DIAPH3: variants seen among roughly 807,000 people sequenced by gnomAD.
The protein encoded by DIAPH3 is diaphanous related formin 3.
Under a neutral mutation model 144.3 loss-of-function variants are expected in DIAPH3, and 117 were observed. That is an observed-to-expected ratio of 0.81 (90% CI 0.70 to 0.95). The LOEUF (loss-of-function observed/expected upper bound fraction) is 0.95, where lower values mean the gene tolerates loss of function less well. Ranked by LOEUF, DIAPH3 falls within the 40% of genes least tolerant of loss-of-function variation. The pLI is 0.00. For synonymous variants in DIAPH3, 519 were observed against 488.9 expected (o/e 1.06, Z -0.81); for missense variants, 1,421 against 1,412.7 (o/e 1.01, Z -0.09).
intron 4 of DIAPH3, among the ~76,000 whole-genome samples, chr13:60,075,107 T>C (rs1240252001): frequency 1.3e-5 from 2 of 152,302 alleles, no homozygotes; most frequent in South Asian, 2.1e-4. Flanking sequence ...TCACCAAACA[T>C]TTACTGTCAA....
At chr13:59,837,440 T>G (rs1053207226) in intron 23 of DIAPH3, among the ~76,000 whole-genome samples, 1 of 151,962 alleles carries the variant, frequency 6.6e-6, no homozygotes, top group Non-Finnish European at 1.5e-5. Context: ...TCTACAACCT[T>G]TACTCCAAGC....
chr13:59,759,321 C>T (rs2037452871), intron 27 of DIAPH3, among the ~76,000 whole-genome samples: 2 of 152,100 alleles, frequency 1.3e-5, no homozygotes, highest in South Asian at 4.1e-4. Flanking sequence ...GAAACTACCA[C>T]AAGGAGAGTG....
At position 59,839,313 on chromosome 13, in the gene DIAPH3, C is replaced by G. The variant is rs2042211074; in HGVS notation, c.2862+11G>C. ...CTAGTGACTTAAGTTATTTAGCTAT[C>G]AAAAGGATATGGACATCTTTGTCAC... is the stretch of plus-strand genomic sequence containing the variant. On this transcript the variant is annotated intron_variant, in intron 23 of 27. Coordinates refer to ENST00000400324, the MANE Select transcript of DIAPH3 (RefSeq NM_001042517.2). 8 of 1,612,618 alleles carry G rather than the reference C, an allele frequency of 5.0e-6. No individual in the cohort carries two copies. The highest frequency in any genetic ancestry group is 6.8e-6 in the Non-Finnish European group (8 of 1,179,236).
intron 5 of DIAPH3, among the ~76,000 whole-genome samples, chr13:60,019,050 T>G (rs981167956): frequency 3.3e-5 from 5 of 152,140 alleles, no homozygotes; most frequent in Non-Finnish European, 7.4e-5. Flanking sequence ...AATATTATTT[T>G]TAAAGATAGG....
intron 17 of DIAPH3, among the ~76,000 whole-genome samples, chr13:59,942,846 T>A (rs1197647700): frequency 2.0e-5 from 3 of 152,216 alleles, no homozygotes; most frequent in Non-Finnish European, 4.4e-5. Flanking sequence ...TAATTTTCCA[T>A]GTTCATATGT....
intron 18 of DIAPH3, among the ~76,000 whole-genome samples, chr13:59,920,022 C>A (rs1211411164): frequency 2.0e-5 from 3 of 151,528 alleles, no homozygotes; most frequent in African/African-American, 7.3e-5. Flanking sequence ...AGCCTCATAA[C>A]CACAAAGCAA....
At chr13:59,762,805 T>C (rs2037669730) in intron 27 of DIAPH3, among the ~76,000 whole-genome samples, 1 of 152,198 alleles carries the variant, frequency 6.6e-6, no homozygotes, top group Non-Finnish European at 1.5e-5. Flanking sequence ...CATAATAGTA[T>C]TGTGACATGA....
chr13:59,765,148 T>G (rs913313151), intron 27 of DIAPH3, among the ~76,000 whole-genome samples: 1 of 152,226 alleles, frequency 6.6e-6, no homozygotes, highest in Non-Finnish European at 1.5e-5. Context: ...AGTCTTAATT[T>G]TCAACTTTTT....
intron 27 of DIAPH3, among the ~76,000 whole-genome samples, chr13:59,705,011 T>C (rs1566199369): frequency 6.6e-6 from 1 of 151,988 alleles, no homozygotes; most frequent in Admixed American, 6.6e-5. Flanking sequence ...AGGAGAAACC[T>C]GAATGAAAGT....
intron 27 of DIAPH3, among the ~76,000 whole-genome samples, chr13:59,697,004 G>C: frequency 6.6e-6 from 1 of 152,008 alleles, no homozygotes; most frequent in East Asian, 1.9e-4. Context: ...CATTTAACTT[G>C]AGTAGGAACT....
intron 22 of DIAPH3, among the ~76,000 whole-genome samples, chr13:59,844,500 T>TC (rs202110880): frequency 0.022 from 1,772 of 79,364 alleles, 21 homozygotes; most frequent in Non-Finnish European, 0.039. Flanking sequence ...CGAGACTCCA[T>TC]CCCAAAAAAA....
chr13:60,138,821 G>GGGGAA (rs1459601394), intron 1 of DIAPH3, among the ~76,000 whole-genome samples: 1 of 149,242 alleles, frequency 6.7e-6, no homozygotes, highest in Non-Finnish European at 1.5e-5. Context: ...AGAGGGAAGA[G>GGGGAA]GGGAGGGGAG....
chr13:59,825,982 C>T (rs79932458), intron 24 of DIAPH3, among the ~76,000 whole-genome samples: 3,233 of 152,088 alleles, frequency 0.021, 87 homozygotes, highest in East Asian at 0.12. Context: ...AATTCAACAA[C>T]CTTCATGCTA....
intron 27 of DIAPH3, among the ~76,000 whole-genome samples, chr13:59,716,146 C>T (rs1236572379): frequency 6.6e-6 from 1 of 151,684 alleles, no homozygotes; most frequent in Non-Finnish European, 1.5e-5. Context: ...CTTACATTTA[C>T]AGGAATAATG....
chr13:60,095,197 T>G (rs574683417), intron 3 of DIAPH3, among the ~76,000 whole-genome samples: 1 of 152,224 alleles, frequency 6.6e-6, no homozygotes, highest in Admixed American at 6.5e-5. Flanking sequence ...TAGACTCGAA[T>G]TCAATGGAAC....
chr13:59,770,537 G>T (rs914386076), intron 27 of DIAPH3, among the ~76,000 whole-genome samples: 1 of 152,062 alleles, frequency 6.6e-6, no homozygotes, highest in Admixed American at 6.6e-5. Context: ...GTTCTACAAG[G>T]TTCAGACTGG....
intron 27 of DIAPH3, among the ~76,000 whole-genome samples, chr13:59,749,901 C>T (rs1379643587): frequency 6.6e-6 from 1 of 152,036 alleles, no homozygotes. Context: ...TTTCAGGGCC[C>T]TTCATGATAC....
intron 4 of DIAPH3, among the ~76,000 whole-genome samples, chr13:60,059,839 C>A (rs1375545921): frequency 6.6e-6 from 1 of 151,964 alleles, no homozygotes; most frequent in Admixed American, 6.6e-5. Flanking sequence ...TCATTATCGT[C>A]TTTACTGTGT....
intron 27 of DIAPH3, among the ~76,000 whole-genome samples, chr13:59,712,470 T>G (rs966085077): frequency 4.6e-5 from 7 of 152,224 alleles, no homozygotes; most frequent in African/African-American, 1.7e-4. Flanking sequence ...GGTTGAACTT[T>G]GGCCTAAGCT....
Sources: allele counts gnomAD v4.1 joint callset (sites outside exome capture counted in the v4.1 genomes callset), GRCh38; gene constraint gnomAD v4.1.1; transcripts MANE v1.5; gene names NCBI Gene and HGNC (gene_info 2026-07-23, HGNC 2026-07-21).